KLK15: variants seen among roughly 807,000 people sequenced by gnomAD.
KLK15 encodes kallikrein-15.
KLK15 carries 19 observed loss-of-function variants against 21.1 expected under a neutral mutation model. That is an observed-to-expected ratio of 0.90 (90% CI 0.63 to 1.32). KLK15 has a LOEUF of 1.32. KLK15 is among the 40% of genes most tolerant of loss of function. The pLI is 0.00. For missense variants in KLK15, 345 were observed against 348.6 expected, an observed-to-expected ratio of 0.99 and a Z score of 0.08; for synonymous variants, 141 against 141.5, an observed-to-expected ratio of 1.00 and a Z score of 0.03.
intron 1 of KLK15, among the ~76,000 whole-genome samples, chr19:50,829,790 T>G (rs2089950444): frequency 6.6e-6 from 1 of 151,622 alleles, no homozygotes; most frequent in Non-Finnish European, 1.5e-5. Flanking sequence ...GAACTCCAGC[T>G]TGGGCGGCAG....
intron 4 of KLK15, 56 bp downstream of exon 5, chr19:50,826,565 T>TCCCACACCTGTC (rs2089882122): frequency 1.3e-6 from 2 of 1,515,218 alleles, no homozygotes; most frequent in Non-Finnish European, 1.8e-6. Flanking sequence ...CCATCCGGAC[T>TCCCACACCTGTC]CCCACACCTG....
chr19:50,826,171 C>T, intron 4 of KLK15: 1 of 531,168 alleles, frequency 1.9e-6, no homozygotes, highest in South Asian at 2.9e-5. Context: ...AACCTATATC[C>T]AATCTCACCC....
chr19:50,830,835 A>G (rs1329670491), intron 1 of KLK15, among the ~76,000 whole-genome samples: 1 of 152,016 alleles, frequency 6.6e-6, no homozygotes. Flanking sequence ...GGTGGTGCCC[A>G]CCACACATAG....
intron 1 of KLK15, among the ~76,000 whole-genome samples, chr19:50,830,160 T>TACAC (rs58238482): frequency 0.25 from 36,478 of 147,214 alleles, 5,257 homozygotes; most frequent in East Asian, 0.47. Flanking sequence ...CACGTGCATG[T>TACAC]ACACACACAC....
rs1170917275 is a variant in KLK15, at chr19:50,828,827, G to A, written c.44-1012C>T. Among the ~76,000 whole-genome samples, 2 of 151,216 alleles carry A rather than the reference G, an allele frequency of 1.3e-5. 1 individual carries two copies. The highest frequency in any genetic ancestry group is 3.0e-5 in the Non-Finnish European group (2 of 67,600). On this transcript the variant is annotated intron_variant, in intron 1 of 4. Transcript: ENST00000598239. ...TAACAAAAATACAAAAAATTAGCTGGGCATGGTGGCGGGTGCCTGTAATCC... is the reference window on the plus strand; with the variant it reads ...TAACAAAAATACAAAAAATTAGCTGAGCATGGTGGCGGGTGCCTGTAATCC...
Position 50,825,874 on chromosome 19 carries a change from G to T in KLK15, c.693C>A (p.Asp231Glu), listed in dbSNP as rs755293469. Residue 231 changes from aspartate to glutamate, a missense_variant, in exon 5 of 5, where the codon GAC (aspartate) becomes GAA (glutamate). Asp to Glu is a conservative substitution (Grantham distance 45). Transcript: ENST00000598239. ...TATAGACACCAGGCTTGGTGGTGTTGTCACAAGGGACGTCACCCCAGGACA... is the reference window on the plus strand; with the variant it reads ...TATAGACACCAGGCTTGGTGGTGTTTTCACAAGGGACGTCACCCCAGGACA... 3.8e-5 allele frequency: 62 copies of T among 1,613,900 alleles called. No individual in the cohort carries two copies. The Middle Eastern group carries it at 1.8e-3, about 47-fold the overall frequency.
intron 1 of KLK15, 122 bp downstream of exon 2, chr19:50,831,328 T>G (rs1599958701): frequency 1.5e-6 from 1 of 668,444 alleles, no homozygotes; most frequent in Non-Finnish European, 2.3e-6. Flanking sequence ...AGGTGGAGGG[T>G]GAAGGAAGGA....
downstream of KLK15, chr19:50,825,542 G>T (rs2089865576): frequency 2.8e-6 from 1 of 362,458 alleles, no homozygotes; most frequent in African/African-American, 2.1e-5. Context: ...GTGTCTCGGG[G>T]TTTCTCTTTG....
At chr19:50,827,621 G>T in intron 2 of KLK15, 41 bp downstream of exon 3, 1 of 1,592,216 alleles carries the variant, frequency 6.3e-7, no homozygotes, top group South Asian at 1.1e-5. Flanking sequence ...TCTTCCCCCC[G>T]AACCAGGCTC....
chr19:50,827,837 G>A (rs1197438174), intron 1 of KLK15, 22 bp from the exon 3 acceptor site: 10 of 1,608,982 alleles, frequency 6.2e-6, no homozygotes, highest in African/African-American at 1.3e-5. Flanking sequence ...GGTAGAGGAT[G>A]CCTGAGGACA....
Position 50,827,138 on chromosome 19 carries a change from T to G in KLK15, c.221A>C (p.Glu74Ala), listed in dbSNP as rs1346950894. Residue 74 changes from glutamate to alanine, a missense_variant, in exon 3 of 5, where the codon GAG (glutamate) becomes GCG (alanine). Physicochemically the swap from Glu to Ala is moderately radical, Grantham distance 107. Coordinates refer to ENST00000598239, the Ensembl canonical transcript of KLK15. ...GCCATCGCGCTTGCGCAGGTTGTGC[T>G]CTCCCAGGCGCACTCTCATGAAGCT... 5 of 1,595,128 alleles carry G rather than the reference T, an allele frequency of 3.1e-6. No individual in the cohort carries two copies. The South Asian group carries it at 5.6e-5, about 18-fold the overall frequency.
At chr19:50,830,329 G>C (rs2089960948) in intron 1 of KLK15, among the ~76,000 whole-genome samples, 1 of 151,820 alleles carries the variant, frequency 6.6e-6, no homozygotes, top group African/African-American at 2.4e-5. Flanking sequence ...GATTTGCACA[G>C]CCAGACCAAA....
chr19:50,827,068 G>A (rs142213846), exon 3 of KLK15: 247 of 1,606,364 alleles, frequency 1.5e-4, no homozygotes, highest in Non-Finnish European at 2.0e-4. Flanking sequence ...GCGCTTCGTA[G>A]CGCGGGTGTG....
chr19:50,828,962 T>TC (rs2089933145), intron 1 of KLK15, among the ~76,000 whole-genome samples: 1 of 75,410 alleles, frequency 1.3e-5, no homozygotes, highest in Admixed American at 2.2e-4. Context: ...AGAGTGAAAC[T>TC]CCATCTCAAA....
chr19:50,827,047 G>T (rs757003411), exon 3 of KLK15: 8 of 1,606,372 alleles, frequency 5.0e-6, no homozygotes, highest in Non-Finnish European at 5.9e-6. Flanking sequence ...TGATGTCGTT[G>T]CGGTGGCTGC....
At chr19:50,825,666 C>G (rs1205228050), downstream of KLK15, 1 of 902,734 alleles carries the variant, frequency 1.1e-6, no homozygotes, top group East Asian at 2.6e-5. Context: ...TGGGACAAGT[C>G]CTTGGCTAAC....
At chr19:50,826,740 A>C in exon 4 of KLK15, 7 of 1,613,146 alleles carry the variant, frequency 4.3e-6, no homozygotes, top group Non-Finnish European at 5.9e-6. Context: ...GCACAATGCA[A>C]CGTATCTGGG....
At chr19:50,831,508 A>G in exon 1 of KLK15, 1 of 1,458,942 alleles carries the variant, frequency 6.9e-7, no homozygotes, top group Non-Finnish European at 9.0e-7. Context: ...AGGAGGGACC[A>G]GGGTTCGGCT....
intron 4 of KLK15, chr19:50,826,414 A>C: frequency 1.9e-6 from 1 of 536,536 alleles, no homozygotes; most frequent in Non-Finnish European, 3.2e-6. Context: ...CAAACTAACT[A>C]TCACATTATC....
Sources: allele counts gnomAD v4.1 joint callset (sites outside exome capture counted in the v4.1 genomes callset), GRCh38; gene constraint gnomAD v4.1.1; transcripts MANE v1.5; gene names NCBI Gene and HGNC (gene_info 2026-07-23, HGNC 2026-07-21).